The following HORMAD2 variants were observed in gnomAD, a reference collection of about 807,000 sequenced individuals.
HORMAD2 encodes the protein HORMA domain-containing protein 2.
Under a neutral mutation model 38.8 loss-of-function variants are expected in HORMAD2, and 45 were observed. The observed-to-expected ratio is 1.16, with a 90% CI of 0.91 to 1.49. The LOEUF (loss-of-function observed/expected upper bound fraction) is 1.49. HORMAD2 is among the 40% of genes most tolerant of loss of function. HORMAD2 has a pLI of 0.00. For missense variants in HORMAD2, 338 were observed against 367.0 expected (o/e 0.92, Z 0.65); for synonymous variants, 126 against 122.8 (o/e 1.03, Z -0.17).
intron 5 of HORMAD2, among the ~76,000 whole-genome samples, chr22:30,106,658 T>C (rs891867594): frequency 1.3e-5 from 2 of 152,192 alleles, no homozygotes; most frequent in African/African-American, 2.4e-5. Context: ...ACAATATAGT[T>C]AGAACTTCAA....
rs1247465058 is a variant in HORMAD2 at position 30,104,451 on chromosome 22, T to C, written c.294+14T>C. 6.3e-7 allele frequency: 1 copy of C among 1,586,242 alleles called. No individual in the cohort carries two copies. Among genetic ancestry groups the C allele is most frequent in the South Asian group, 1.1e-5 (1 of 88,528 alleles). On this transcript the variant is annotated intron_variant, in intron 5 of 10. Transcript: ENST00000336726. ...GAAAAGAGATACGTAAGAATGTTTT[T>C]ACACTTACACTGGAATCAAAGGCTT...
In HORMAD2 at chr22:30,080,465, G is replaced by T. The variant is rs1438272051; in HGVS notation, c.-64G>T. The stretch of plus-strand genomic sequence containing the variant: ...GGCCGGAAAAGGCCGTTGACCCCCG[G>T]TGGGAGGGAAGCGTCGACGAGCTGA... On this transcript the variant is annotated 5_prime_UTR_variant, in exon 1 of 11. Transcript: ENST00000336726. 1.3e-5 allele frequency: 2 copies of T among 152,382 alleles called. No individual in the cohort carries two copies. Among genetic ancestry groups the T allele is most frequent in the Non-Finnish European group, 2.9e-5 (2 of 68,078 alleles). 9.4% of individuals were successfully genotyped at this position (152,382 alleles called of 1,614,324 possible). A position where few individuals can be genotyped will look rare whatever the true frequency, so the allele number is the denominator to read the frequency against.
intron 7 of HORMAD2, among the ~76,000 whole-genome samples, chr22:30,115,408 A>G (rs1921966720): frequency 6.6e-6 from 1 of 152,192 alleles, no homozygotes; most frequent in Non-Finnish European, 1.5e-5. Flanking sequence ...GCACTTGGCC[A>G]ACACTCACCT....
intron 2 of HORMAD2, among the ~76,000 whole-genome samples, chr22:30,095,192 T>A (rs2068760707): frequency 6.6e-6 from 1 of 152,232 alleles, no homozygotes; most frequent in Non-Finnish European, 1.5e-5. Flanking sequence ...AGAGTGTTAA[T>A]TAATTGGCTT....
intron 8 of HORMAD2, 26 bp from the exon 9 acceptor site, chr22:30,121,606 A>G (rs1799863705): frequency 6.5e-7 from 1 of 1,541,146 alleles, no homozygotes; most frequent in African/African-American, 1.4e-5. Flanking sequence ...TATATGATCA[A>G]AAAGTATGCT....
Position 30,098,912 on chromosome 22 carries a change from C to A in HORMAD2, c.112C>A (p.Leu38Ile). The change falls in exon 3 of 11, where the codon CTT (leucine) becomes ATT (isoleucine). Residue 38 changes from leucine to isoleucine, a missense_variant. Transcript: ENST00000336726. ...EHESLKMVKK[L>I]FATSISCITY... ...TGAGTCATTGAAAATGGTGAAGAAA[C>A]TTTTTGCTACTTCCATCTCATGTAT... is the stretch of plus-strand genomic sequence containing the variant. 2 of 1,613,452 alleles carry A rather than the reference C, an allele frequency of 1.2e-6. No individual in the cohort carries two copies. Among genetic ancestry groups the A allele is most frequent in the Admixed American group, 3.3e-5 (2 of 59,970 alleles).
At chr22:30,167,104 A>G (rs550356366) in intron 10 of HORMAD2, among the ~76,000 whole-genome samples, 9 of 152,176 alleles carry the variant, frequency 5.9e-5, no homozygotes, top group Admixed American at 1.3e-4. Flanking sequence ...GAGAAGTTCT[A>G]TTCTTTGCCT....
At chr22:30,201,897 G>A in the HORMAD2 span, among the ~76,000 whole-genome samples, 19 of 152,168 alleles carry the variant, frequency 1.2e-4, no homozygotes, top group Admixed American at 3.9e-4. Context: ...TTGCATCTGC[G>A]TGATATGAGA....
intron 5 of HORMAD2, among the ~76,000 whole-genome samples, chr22:30,107,871 G>T (rs1921316981): frequency 6.9e-6 from 1 of 145,002 alleles, no homozygotes; most frequent in Non-Finnish European, 1.5e-5. Flanking sequence ...AATTTTGTGT[G>T]ATTTTTTTTT....
At chr22:30,193,887 C>G in the HORMAD2 span, among the ~76,000 whole-genome samples, 1 of 152,152 alleles carries the variant, frequency 6.6e-6, no homozygotes, top group Non-Finnish European at 1.5e-5. Flanking sequence ...GGGTGAACCC[C>G]CCCTACCCTT....
intron 7 of HORMAD2, among the ~76,000 whole-genome samples, chr22:30,117,932 G>T (rs1922169478): frequency 6.6e-6 from 1 of 152,140 alleles, no homozygotes; most frequent in Non-Finnish European, 1.5e-5. Flanking sequence ...AGTTTTCAGT[G>T]CAGGACTGAA....
intron 7 of HORMAD2, among the ~76,000 whole-genome samples, chr22:30,118,563 A>G (rs1922215130): frequency 6.6e-6 from 1 of 152,208 alleles, no homozygotes; most frequent in Non-Finnish European, 1.5e-5. Context: ...ACTGGATTGT[A>G]TGTATATTCC....
intron 10 of HORMAD2, among the ~76,000 whole-genome samples, chr22:30,141,057 G>C (rs1651411448): frequency 6.6e-6 from 1 of 152,052 alleles, no homozygotes; most frequent in South Asian, 2.1e-4. Flanking sequence ...GAGTGCAGTG[G>C]AATGACCTCG....
At chr22:30,189,353 T>C in the HORMAD2 span, among the ~76,000 whole-genome samples, 35 of 152,204 alleles carry the variant, frequency 2.3e-4, no homozygotes, top group South Asian at 2.1e-4. Flanking sequence ...GACCAGTGAG[T>C]ACCTAGGAGC....
chr22:30,078,233 C>T (rs188354738), upstream of HORMAD2, among the ~76,000 whole-genome samples: 272 of 152,242 alleles, frequency 1.8e-3, 1 homozygote, highest in African/African-American at 1.9e-3. Context: ...GGGGCGACTC[C>T]GCCAGATCAG....
intron 10 of HORMAD2, among the ~76,000 whole-genome samples, chr22:30,138,070 G>GTATT: frequency 6.6e-6 from 1 of 152,134 alleles, no homozygotes; most frequent in African/African-American, 2.4e-5. Flanking sequence ...CCAGCACTTG[G>GTATT]TATTGTCTCA....
intron 10 of HORMAD2, among the ~76,000 whole-genome samples, chr22:30,152,994 A>G (rs1449200912): frequency 6.6e-6 from 1 of 152,054 alleles, no homozygotes; most frequent in Non-Finnish European, 1.5e-5. Context: ...TAACACTGTC[A>G]TGTCAAATCC....
chr22:30,092,112 C>T (rs1481869837), intron 1 of HORMAD2, among the ~76,000 whole-genome samples: 1 of 151,344 alleles, frequency 6.6e-6, no homozygotes, highest in African/African-American at 2.4e-5. Flanking sequence ...AACTCTTGAC[C>T]TCAGGTGATC....
intron 10 of HORMAD2, among the ~76,000 whole-genome samples, chr22:30,124,862 G>T (rs535986473): frequency 2.0e-5 from 3 of 152,188 alleles, no homozygotes; most frequent in South Asian, 4.1e-4. Context: ...TTCCAAAGTG[G>T]TCGTACCAAC....
Sources: gnomAD v4.1 joint callset for allele counts (sites outside exome capture counted in the v4.1 genomes callset) on GRCh38, gnomAD v4.1.1 for gene constraint, MANE v1.5 for transcripts, NCBI Gene and HGNC (gene_info 2026-07-23, HGNC 2026-07-21) for gene names.